Variants in GPC6 observed in about 807,000 individuals in gnomAD.
The protein encoded by GPC6 is glypican 6.
A neutral mutation model predicts 55.2 loss-of-function variants in GPC6; 14 were observed. The observed-to-expected ratio is 0.25, with a 90% CI of 0.17 to 0.40. GPC6 has a LOEUF of 0.40. Ranked by LOEUF, GPC6 falls within the 10% of genes least tolerant of loss-of-function variation. The probability of loss-of-function intolerance (pLI) is 1.00; values close to 1 mark genes in which losing one functional copy is unlikely to be tolerated. For synonymous variants in GPC6, 278 were observed against 259.6 expected (o/e 1.07, Z -0.68); for missense variants, 641 against 708.5 (o/e 0.90, Z 1.08).
At chr13:93,338,005 A>C (rs1337933326) in intron 1 of GPC6, among the ~76,000 whole-genome samples, 1 of 152,202 alleles carries the variant, frequency 6.6e-6, no homozygotes, top group Non-Finnish European at 1.5e-5. Context: ...ACCCCTTTGG[A>C]AAGGCCTCCC....
chr13:94,137,298 G>T (rs774782083), intron 4 of GPC6, among the ~76,000 whole-genome samples: 2 of 152,182 alleles, frequency 1.3e-5, no homozygotes, highest in Non-Finnish European at 2.9e-5. Flanking sequence ...CAAAGGAGTG[G>T]ATAAGCTGTG....
rs901720263 is a variant in GPC6, at chr13:93,407,412, A to G, written c.161-137851A>G. On this transcript the variant is annotated intron_variant, in intron 1 of 8. Transcript: ENST00000377047. Reference sequence around the variant, plus strand: ...GTTGGGTAAAAAAAAACACCAACTCATTGTATTTTATGGCTGAGACCGTGC... The same window carrying G: ...GTTGGGTAAAAAAAAACACCAACTCGTTGTATTTTATGGCTGAGACCGTGC... Among the ~76,000 whole-genome samples, 36 of 152,246 alleles carry G rather than the reference A, an allele frequency of 2.4e-4. 1 individual carries two copies. The highest frequency in any genetic ancestry group is 6.7e-4 in the African/African-American group (28 of 41,566).
intron 3 of GPC6, among the ~76,000 whole-genome samples, chr13:93,887,221 A>G (rs981821662): frequency 6.6e-6 from 1 of 152,126 alleles, no homozygotes; most frequent in Non-Finnish European, 1.5e-5. Flanking sequence ...TATTTTTAAC[A>G]TAGCAATAAA....
At chr13:93,248,114 T>A (rs1213111313) in intron 1 of GPC6, among the ~76,000 whole-genome samples, 2 of 152,194 alleles carry the variant, frequency 1.3e-5, no homozygotes, top group Non-Finnish European at 2.9e-5. Context: ...AATTTATTCT[T>A]ACTCAGAACA....
At chr13:93,753,362 A>T (rs538179688) in intron 2 of GPC6, among the ~76,000 whole-genome samples, 1 of 152,200 alleles carries the variant, frequency 6.6e-6, no homozygotes, top group African/African-American at 2.4e-5. Flanking sequence ...AGCAAATAAG[A>T]TATCATGCTT....
chr13:93,722,008 T>A (rs1267820708), intron 2 of GPC6, among the ~76,000 whole-genome samples: 1 of 151,846 alleles, frequency 6.6e-6, no homozygotes, highest in Non-Finnish European at 1.5e-5. Flanking sequence ...GCCTTACTCA[T>A]TATTCAGTGT....
At chr13:94,117,751 G>A (rs572774782) in intron 4 of GPC6, among the ~76,000 whole-genome samples, 1 of 152,204 alleles carries the variant, frequency 6.6e-6, no homozygotes, top group African/African-American at 2.4e-5. Flanking sequence ...TCTGCCTATA[G>A]GATGCCCCAT....
chr13:93,894,860 G>T (rs536982603), intron 3 of GPC6, among the ~76,000 whole-genome samples: 1 of 151,956 alleles, frequency 6.6e-6, no homozygotes, highest in East Asian at 1.9e-4. Flanking sequence ...TATGTAAAAT[G>T]ATGTGTTATC....
At chr13:93,817,769 G>C (rs1886904883) in intron 2 of GPC6, among the ~76,000 whole-genome samples, 1 of 151,892 alleles carries the variant, frequency 6.6e-6, no homozygotes, top group Non-Finnish European at 1.5e-5. Context: ...TGAAGTGGGA[G>C]GATCCTGGGA....
At chr13:94,246,309 G>A (rs1321962200) in intron 4 of GPC6, among the ~76,000 whole-genome samples, 2 of 151,976 alleles carry the variant, frequency 1.3e-5, no homozygotes, top group Non-Finnish European at 2.9e-5. Context: ...CAACCTGTAG[G>A]TTGTCTTTTC....
At chr13:93,969,866 C>T (rs1242093452) in intron 3 of GPC6, among the ~76,000 whole-genome samples, 3 of 152,054 alleles carry the variant, frequency 2.0e-5, no homozygotes, top group Non-Finnish European at 1.5e-5. Context: ...ACATAATGGC[C>T]TCCAGTTCCA....
At chr13:94,000,883 T>C (rs752134591) in intron 3 of GPC6, among the ~76,000 whole-genome samples, 40 of 152,172 alleles carry the variant, frequency 2.6e-4, no homozygotes, top group Non-Finnish European at 5.0e-4. Context: ...TTTGCTGATC[T>C]CAGCAGAAGG....
chr13:93,573,030 G>A (rs1273734137), intron 2 of GPC6, among the ~76,000 whole-genome samples: 1 of 152,008 alleles, frequency 6.6e-6, no homozygotes, highest in Non-Finnish European at 1.5e-5. Context: ...AAAGGTTAGA[G>A]TATTTCAAGT....
chr13:93,490,541 T>C (rs1415241352), intron 1 of GPC6, among the ~76,000 whole-genome samples: 1 of 143,208 alleles, frequency 7.0e-6, no homozygotes, highest in South Asian at 2.2e-4. Flanking sequence ...TATTATACTT[T>C]AAGTTTTAGG....
chr13:93,771,639 G>T (rs977448838), intron 2 of GPC6, among the ~76,000 whole-genome samples: 5 of 151,978 alleles, frequency 3.3e-5, no homozygotes, highest in African/African-American at 1.2e-4. Flanking sequence ...GAGTTAGTGG[G>T]TGCAGTGCAC....
intron 2 of GPC6, among the ~76,000 whole-genome samples, chr13:93,721,702 T>G (rs751518938): frequency 6.6e-6 from 1 of 151,772 alleles, no homozygotes; most frequent in Non-Finnish European, 1.5e-5. Flanking sequence ...TTTACTGCTA[T>G]TTTGGCTATT....
At chr13:94,167,993 T>C (rs141895735) in intron 4 of GPC6, among the ~76,000 whole-genome samples, 3,000 of 152,346 alleles carry the variant, frequency 0.02, 105 homozygotes, top group African/African-American at 0.066. Flanking sequence ...AGGTTACACA[T>C]AAAATGCTTA....
At chr13:94,174,151 A>G (rs1345836059) in intron 4 of GPC6, among the ~76,000 whole-genome samples, 3 of 152,162 alleles carry the variant, frequency 2.0e-5, no homozygotes, top group African/African-American at 7.2e-5. Flanking sequence ...ATTTTGCACC[A>G]TGAAAAAGAG....
At chr13:93,486,735 A>G (rs534469984) in intron 1 of GPC6, among the ~76,000 whole-genome samples, 1 of 152,234 alleles carries the variant, frequency 6.6e-6, no homozygotes, top group South Asian at 2.1e-4. Flanking sequence ...TCACGAGGTC[A>G]GGAGATCGAG....
Sources: gnomAD v4.1 joint callset for allele counts (sites outside exome capture counted in the v4.1 genomes callset) on GRCh38, gnomAD v4.1.1 for gene constraint, MANE v1.5 for transcripts, NCBI Gene and HGNC (gene_info 2026-07-23, HGNC 2026-07-21) for gene names.